The following FSTL4 variants were observed in gnomAD, a reference collection of about 807,000 sequenced individuals.
FSTL4 encodes follistatin like 4, also known as follistatin-related protein 4.
FSTL4 carries 28 observed loss-of-function variants against 78.2 expected under a neutral mutation model. The ratio of observed to expected loss-of-function variants is 0.36; its 90% CI spans 0.27 to 0.49. The LOEUF (loss-of-function observed/expected upper bound fraction) is 0.49, where lower values mean the gene tolerates loss of function less well. Ranked by LOEUF, FSTL4 falls within the 20% of genes least tolerant of loss-of-function variation. FSTL4 has a pLI of 0.98. For synonymous variants in FSTL4, 422 were observed against 440.5 expected (o/e 0.96, Z 0.53); for missense variants, 922 against 1,084.9 (o/e 0.85, Z 2.11).
chr5:133,798,987 A>AT, the FSTL4 span, among the ~76,000 whole-genome samples: 5 of 110,256 alleles, frequency 4.5e-5, no homozygotes, highest in African/African-American at 7.0e-5. Flanking sequence ...GGAGGGAGGG[A>AT]GGAAGGGAGG....
intron 3 of FSTL4, among the ~76,000 whole-genome samples, chr5:133,481,412 C>G (rs572208569): frequency 1.1e-4 from 17 of 151,796 alleles, no homozygotes; most frequent in Non-Finnish European, 2.2e-4. Context: ...CATGGTGGCA[C>G]ACACCTATAG....
At chr5:133,261,326 C>T (rs745749765) in intron 6 of FSTL4, among the ~76,000 whole-genome samples, 19 of 152,120 alleles carry the variant, frequency 1.2e-4, no homozygotes, top group Non-Finnish European at 2.2e-4. Context: ...AGGCATCACA[C>T]GTAGGTACAT....
At position 133,293,072 on chromosome 5, in the gene FSTL4, C is replaced by G. The variant is rs560966152; in HGVS notation, c.727+19582G>C. On this transcript the variant is annotated intron_variant, in intron 6 of 15. Transcript: ENST00000265342. ...GGGCCAGGCTATGGACTGCGGAGGA[C>G]CGTCACAGCCACCTCCCGCCACTCC... Among the ~76,000 whole-genome samples, 8 of 152,356 alleles carry G rather than the reference C, an allele frequency of 5.3e-5. No individual in the cohort carries two copies. In the South Asian group the frequency reaches 1.5e-3, roughly 28 times the overall value.
intron 4 of FSTL4, among the ~76,000 whole-genome samples, chr5:133,346,680 T>C (rs1028346470): frequency 1.3e-5 from 2 of 152,228 alleles, no homozygotes; most frequent in African/African-American, 4.8e-5. Context: ...TTAGCTCAGC[T>C]CTGGGGAGTT....
chr5:133,417,958 T>TAAAAAA (rs527415337), intron 3 of FSTL4, among the ~76,000 whole-genome samples: 3 of 51,144 alleles, frequency 5.9e-5, no homozygotes, highest in African/African-American at 3.3e-4. Flanking sequence ...GACTCCATCT[T>TAAAAAA]AAAAAAAAAA....
At chr5:133,684,161 C>T in the FSTL4 span, among the ~76,000 whole-genome samples, 1 of 152,192 alleles carries the variant, frequency 6.6e-6, no homozygotes. Context: ...GCTCTGCGTT[C>T]GGAAAGGTCT....
chr5:133,525,728 G>A (rs1759081534), intron 3 of FSTL4, among the ~76,000 whole-genome samples: 1 of 152,200 alleles, frequency 6.6e-6, no homozygotes, highest in African/African-American at 2.4e-5. Context: ...CACAGAACCT[G>A]TGCACAAGCC....
intron 3 of FSTL4, among the ~76,000 whole-genome samples, chr5:133,525,296 A>G (rs2112902455): frequency 6.6e-6 from 1 of 152,322 alleles, no homozygotes; most frequent in South Asian, 2.1e-4. Flanking sequence ...TTCCCCCTGC[A>G]CTGCCCAAGT....
chr5:133,447,041 G>A (rs777977397), intron 3 of FSTL4, among the ~76,000 whole-genome samples: 5 of 152,234 alleles, frequency 3.3e-5, no homozygotes, highest in Non-Finnish European at 7.3e-5. Context: ...GACTGTTCAC[G>A]GTGGGCTCCC....
At chr5:133,652,408 T>A in the FSTL4 span, among the ~76,000 whole-genome samples, 10 of 152,116 alleles carry the variant, frequency 6.6e-5, no homozygotes, top group African/African-American at 2.4e-4. Flanking sequence ...TTCTCTTAAG[T>A]GCTGCTTTCA....
intron 1 of FSTL4, among the ~76,000 whole-genome samples, chr5:133,607,758 T>C (rs1761006329): frequency 6.6e-6 from 1 of 152,086 alleles, no homozygotes; most frequent in South Asian, 2.1e-4. Flanking sequence ...CACGAGCTAC[T>C]CTCCTCCTCA....
At chr5:133,412,748 T>C (rs1357873465) in intron 3 of FSTL4, among the ~76,000 whole-genome samples, 2 of 152,184 alleles carry the variant, frequency 1.3e-5, no homozygotes. Context: ...TATCATTCTT[T>C]TGGTTTATCT....
intron 4 of FSTL4, among the ~76,000 whole-genome samples, chr5:133,327,397 AAC>A (rs1418828887): frequency 6.6e-6 from 1 of 152,198 alleles, no homozygotes; most frequent in African/African-American, 2.4e-5. Context: ...CGCTTTGGGA[AAC>A]ACAGTTTTAG....
chr5:133,770,345 C>T, the FSTL4 span, among the ~76,000 whole-genome samples: 14 of 152,162 alleles, frequency 9.2e-5, no homozygotes, highest in Admixed American at 3.3e-4. Context: ...TTCCCACCAA[C>T]AGTGTGTAAG....
chr5:133,231,625 C>A (rs1975024), intron 8 of FSTL4, among the ~76,000 whole-genome samples: 71,540 of 151,938 alleles, frequency 0.47, 17,130 homozygotes, highest in East Asian at 0.7. Context: ...TCATTGCAAA[C>A]TTCACCTCTC....
intron 3 of FSTL4, among the ~76,000 whole-genome samples, chr5:133,510,629 A>G (rs1480910800): frequency 6.6e-6 from 1 of 152,122 alleles, no homozygotes; most frequent in African/African-American, 2.4e-5. Context: ...CCCAGATTTT[A>G]TCTCCCACTC....
chr5:133,628,513 C>A, the FSTL4 span, among the ~76,000 whole-genome samples: 1 of 152,054 alleles, frequency 6.6e-6, no homozygotes, highest in African/African-American at 2.4e-5. Flanking sequence ...GCATGCACCA[C>A]CACACTTGGC....
Position 133,372,793 on chromosome 5 carries a change from G to T in FSTL4, c.409+27945C>A, listed in dbSNP as rs75820806. Among the ~76,000 whole-genome samples the T allele has an allele frequency of 2.4e-3, 369 of 152,284 alleles. 1 individual carries two copies. Among genetic ancestry groups the T allele is most frequent in the African/African-American group, 8.4e-3 (351 of 41,556 alleles). ...TTTTATGGTGCGAACTGAGCCTCCA[G>T]CGGGGAGGAACTGAAATTTCTGGCA... On this transcript the variant is annotated intron_variant, in intron 4 of 15. Coordinates refer to ENST00000265342, the MANE Select transcript of FSTL4 (RefSeq NM_015082.2).
intron 4 of FSTL4, among the ~76,000 whole-genome samples, chr5:133,366,136 C>A (rs1176514556): frequency 2.0e-5 from 3 of 152,236 alleles, no homozygotes; most frequent in Non-Finnish European, 4.4e-5. Context: ...TTGTGTGCCA[C>A]CTTGAACGTG....
Sources: gnomAD v4.1 joint callset for allele counts (sites outside exome capture counted in the v4.1 genomes callset) on GRCh38, gnomAD v4.1.1 for gene constraint, MANE v1.5 for transcripts, NCBI Gene and HGNC (gene_info 2026-07-23, HGNC 2026-07-21) for gene names.